The following CHST11 variants were observed in gnomAD, a reference collection of about 807,000 sequenced individuals.
CHST11 encodes the protein C4S-1.
In CHST11, 9 loss-of-function variants were observed where a neutral mutation model predicts 30.4. The ratio of observed to expected loss-of-function variants is 0.30; its 90% CI spans 0.18 to 0.52. The LOEUF (loss-of-function observed/expected upper bound fraction) is 0.52. CHST11 is among the 20% of genes least tolerant of loss of function. The pLI, the probability that CHST11 is intolerant of heterozygous loss-of-function variation, is 0.97. For synonymous variants in CHST11, 152 were observed against 187.8 expected, an observed-to-expected ratio of 0.81 and a Z score of 1.56; for missense variants, 348 against 460.6, an observed-to-expected ratio of 0.76 and a Z score of 2.24.
intron 2 of CHST11, among the ~76,000 whole-genome samples, chr12:104,717,447 G>T (rs1380400440): frequency 1.3e-5 from 2 of 152,054 alleles, no homozygotes; most frequent in Non-Finnish European, 2.9e-5. Flanking sequence ...ATTTTCCGGG[G>T]ATGGTCATAA....
chr12:104,606,169 G>A (rs909711696), intron 2 of CHST11, among the ~76,000 whole-genome samples: 1 of 73,600 alleles, frequency 1.4e-5, no homozygotes, highest in Non-Finnish European at 3.5e-5. Flanking sequence ...TCTCTGGGGC[G>A]GGGGGCGGGG....
intron 1 of CHST11, among the ~76,000 whole-genome samples, chr12:104,460,642 C>G (rs10778334): frequency 6.8e-6 from 1 of 146,634 alleles, no homozygotes. Context: ...CCAGCCTGGG[C>G]GACAGAGTGA....
At chr12:104,683,905 G>A (rs568066208) in intron 2 of CHST11, among the ~76,000 whole-genome samples, 44 of 152,324 alleles carry the variant, frequency 2.9e-4, no homozygotes, top group African/African-American at 1.0e-3. Flanking sequence ...CATCATGCTA[G>A]CATCTGTTAG....
At position 104,715,069 on chromosome 12, in the gene CHST11, A is replaced by C. The variant is rs1047092456; in HGVS notation, c.205-41880A>C. Among the ~76,000 whole-genome samples, 8 of 152,184 alleles carry C rather than the reference A, an allele frequency of 5.3e-5. 1 individual carries two copies. The highest frequency in any genetic ancestry group is 1.9e-4 in the African/African-American group (8 of 41,454). On this transcript the variant is annotated intron_variant, in intron 2 of 2. Coordinates refer to ENST00000303694, the MANE Select transcript of CHST11 (RefSeq NM_018413.6). ...TGTGCCAGCCTTAGTTTCCACATCTATAAAATAAAGACAGGCCGGGCATGG... is the reference window on the plus strand; with the variant it reads ...TGTGCCAGCCTTAGTTTCCACATCTCTAAAATAAAGACAGGCCGGGCATGG...
intron 1 of CHST11, among the ~76,000 whole-genome samples, chr12:104,558,060 A>G (rs1242703059): frequency 6.6e-6 from 1 of 152,130 alleles, no homozygotes; most frequent in African/African-American, 2.4e-5. Flanking sequence ...CAGCCGCAGC[A>G]GCAGCTTCTG....
intron 1 of CHST11, 142 bp downstream of exon 1, chr12:104,457,671 C>T: frequency 1.4e-6 from 1 of 697,732 alleles, no homozygotes; most frequent in East Asian, 2.5e-5. Flanking sequence ...GAGCTCCTGG[C>T]TGCCCAGATC....
intron 1 of CHST11, among the ~76,000 whole-genome samples, chr12:104,519,071 GGTGT>G (rs10628757): frequency 0.01 from 1,440 of 139,604 alleles, 12 homozygotes; most frequent in Non-Finnish European, 0.015. Flanking sequence ...GGACTCTTGA[GGTGT>G]GTGTGTGTGT....
At chr12:104,511,497 A>T (rs1447890430) in intron 1 of CHST11, among the ~76,000 whole-genome samples, 1 of 152,226 alleles carries the variant, frequency 6.6e-6, no homozygotes, top group African/African-American at 2.4e-5. Flanking sequence ...CAGCAAATGC[A>T]GTTGACAGTC....
chr12:104,653,223 T>A (rs2039511318), intron 2 of CHST11, among the ~76,000 whole-genome samples: 1 of 152,176 alleles, frequency 6.6e-6, no homozygotes, highest in African/African-American at 2.4e-5. Context: ...TTTAGATACC[T>A]CATATAAGTG....
rs925329692 is a variant in CHST11, at chr12:104,703,498, C to T, written c.205-53451C>T. 3.3e-5 allele frequency among the ~76,000 whole-genome samples: 5 copies of T among 152,328 alleles called. 1 individual carries two copies. The Middle Eastern group carries it at 0.014, about 414-fold the overall frequency. ...GATCAATAATTCAACCACTTCCCCC[C>T]ACCCCGGCTGCCGTCTTTCTTCTCC... On this transcript the variant is annotated intron_variant, in intron 2 of 2. Transcript: ENST00000303694.
At chr12:104,589,839 G>A (rs751655393) in intron 1 of CHST11, among the ~76,000 whole-genome samples, 8 of 151,880 alleles carry the variant, frequency 5.3e-5, no homozygotes, top group South Asian at 4.2e-4. Flanking sequence ...GTGAAACCCC[G>A]TCTCTACGAA....
intron 1 of CHST11, among the ~76,000 whole-genome samples, chr12:104,557,536 G>C (rs1442830909): frequency 3.3e-5 from 5 of 152,160 alleles, no homozygotes; most frequent in Non-Finnish European, 7.4e-5. Flanking sequence ...CGGCCCAGGG[G>C]AGAGGAGCAG....
chr12:104,480,206 C>A (rs1470654845), intron 1 of CHST11, among the ~76,000 whole-genome samples: 2 of 152,094 alleles, frequency 1.3e-5, no homozygotes, highest in African/African-American at 2.4e-5. Flanking sequence ...CCCCGCCCCC[C>A]CCTCCAAATT....
At chr12:104,570,337 A>G (rs1410795140) in intron 1 of CHST11, among the ~76,000 whole-genome samples, 1 of 152,134 alleles carries the variant, frequency 6.6e-6, no homozygotes, top group Non-Finnish European at 1.5e-5. Flanking sequence ...TCCCACTAGT[A>G]GGTGTGTGAG....
At chr12:104,612,842 T>C (rs2136054503) in intron 2 of CHST11, among the ~76,000 whole-genome samples, 1 of 152,310 alleles carries the variant, frequency 6.6e-6, no homozygotes, top group South Asian at 2.1e-4. Flanking sequence ...CTTCTGGGTG[T>C]ATGCCCAAAG....
chr12:104,653,148 A>G (rs940967531), intron 2 of CHST11, among the ~76,000 whole-genome samples: 2 of 151,594 alleles, frequency 1.3e-5, no homozygotes, highest in African/African-American at 4.9e-5. Flanking sequence ...ATAACTCCCC[A>G]TTTCTCCTGC....
chr12:104,706,997 C>T (rs536770877), intron 2 of CHST11, among the ~76,000 whole-genome samples: 2 of 152,254 alleles, frequency 1.3e-5, no homozygotes, highest in African/African-American at 2.4e-5. Flanking sequence ...ACGGGACAGT[C>T]GTCCTCCCAC....
At chr12:104,506,536 C>T (rs2037905932) in intron 1 of CHST11, among the ~76,000 whole-genome samples, 1 of 152,094 alleles carries the variant, frequency 6.6e-6, no homozygotes, top group Non-Finnish European at 1.5e-5. Context: ...TTCAGAGGTC[C>T]CCCTCAGATA....
rs78091526 is a variant in CHST11, at chr12:104,662,280, A to G, written c.204+60289A>G. ...TGTGCCCTCAGGAAAACCACTTAACATCTCTGAGCCCCACGTTTCTCATCT... is the reference window on the plus strand; with the variant it reads ...TGTGCCCTCAGGAAAACCACTTAACGTCTCTGAGCCCCACGTTTCTCATCT... On this transcript the variant is annotated intron_variant, in intron 2 of 2. Transcript: ENST00000303694. 4.0e-4 allele frequency among the ~76,000 whole-genome samples: 61 copies of G among 152,194 alleles called. No individual in the cohort carries two copies. The East Asian group carries it at 0.011, about 28-fold the overall frequency.
Sources: gnomAD v4.1 joint callset for allele counts (sites outside exome capture counted in the v4.1 genomes callset) on GRCh38, gnomAD v4.1.1 for gene constraint, MANE v1.5 for transcripts, NCBI Gene and HGNC (gene_info 2026-07-23, HGNC 2026-07-21) for gene names.